DOCK1: variants seen among roughly 807,000 people sequenced by gnomAD.
DOCK1 encodes the protein dedicator of cytokinesis protein 1.
A neutral mutation model predicts 262.7 loss-of-function variants in DOCK1; 138 were observed. The ratio of observed to expected loss-of-function variants is 0.53; its 90% CI spans 0.46 to 0.61. DOCK1 has a LOEUF of 0.61. Among genes scored for constraint, DOCK1 ranks in the 20% least tolerant of loss-of-function variants. The pLI is 0.00. For synonymous variants in DOCK1, 866 were observed against 867.4 expected (o/e 1.00, Z 0.03); for missense variants, 1,908 against 2,370.7 (o/e 0.80, Z 4.05).
At chr10:127,055,779 C>T (rs1399778609) in intron 22 of DOCK1, among the ~76,000 whole-genome samples, 4 of 152,176 alleles carry the variant, frequency 2.6e-5, no homozygotes, top group South Asian at 2.1e-4. Context: ...TCTTTAGGCC[C>T]TAAGTGATCC....
intron 1 of DOCK1, among the ~76,000 whole-genome samples, chr10:126,918,725 A>C (rs879271780): frequency 6.6e-6 from 1 of 152,202 alleles, no homozygotes; most frequent in East Asian, 1.9e-4. Flanking sequence ...TCCCGGGGGT[A>C]AGTGGGGCGG....
chr10:127,336,641 A>G (rs1468309693), intron 29 of DOCK1, among the ~76,000 whole-genome samples: 1 of 150,496 alleles, frequency 6.6e-6, no homozygotes, highest in East Asian at 2.0e-4. Flanking sequence ...CCAGGTTCGC[A>G]CCATTCTCCT....
chr10:127,417,254 G>A (rs2068213243), intron 44 of DOCK1, among the ~76,000 whole-genome samples: 1 of 152,216 alleles, frequency 6.6e-6, no homozygotes, highest in African/African-American at 2.4e-5. Context: ...AGTGTGAGGA[G>A]GAGGTTTGGT....
At chr10:127,011,527 T>C (rs187445824) in intron 11 of DOCK1, among the ~76,000 whole-genome samples, 1 of 152,328 alleles carries the variant, frequency 6.6e-6, no homozygotes, top group Admixed American at 6.5e-5. Context: ...CTGTGCTACA[T>C]GGTATTTCTA....
rs370027335 is a variant in DOCK1, at chr10:127,261,380, T to G, written c.3044+3951T>G. On this transcript the variant is annotated intron_variant, in intron 29 of 51. Coordinates refer to ENST00000623213, the MANE Select transcript of DOCK1 (RefSeq NM_001290223.2). Reference sequence around the variant, plus strand: ...TCATCTGTGTGTGTGCATGTGGGTGTGTGTGTACCTGCATGTGTGTGCATG... The same window carrying G: ...TCATCTGTGTGTGTGCATGTGGGTGGGTGTGTACCTGCATGTGTGTGCATG... Among the ~76,000 whole-genome samples the G allele has an allele frequency of 5.7e-4, 79 of 139,424 alleles. No homozygotes were observed. The East Asian group carries it at 0.017, about 30-fold the overall frequency. The allele number at this position is 139,424 out of a possible 152,430, so 91.5% of individuals were successfully genotyped here. A position where few individuals can be genotyped will look rare whatever the true frequency, so the allele number is the denominator to read the frequency against.
chr10:126,907,257 C>G (rs1230606067), intron 1 of DOCK1, among the ~76,000 whole-genome samples: 1 of 152,032 alleles, frequency 6.6e-6, no homozygotes, highest in Non-Finnish European at 1.5e-5. Context: ...CACCAGCACA[C>G]GCAGAGAGAG....
At chr10:126,993,777 T>A (rs1033083641) in intron 6 of DOCK1, among the ~76,000 whole-genome samples, 1 of 152,176 alleles carries the variant, frequency 6.6e-6, no homozygotes, top group South Asian at 2.1e-4. Flanking sequence ...TCAATAGATA[T>A]TAAAAGGAAA....
intron 42 of DOCK1, 137 bp from the exon 43 acceptor site, chr10:127,410,703 C>T: frequency 1.4e-6 from 1 of 700,628 alleles, no homozygotes; most frequent in Non-Finnish European, 2.3e-6. Context: ...GAGAGGACAC[C>T]AAGGCGATGG....
intron 28 of DOCK1, among the ~76,000 whole-genome samples, chr10:127,249,580 T>A (rs1050472812): frequency 3.9e-5 from 6 of 152,308 alleles, no homozygotes; most frequent in Non-Finnish European, 5.9e-5. Flanking sequence ...GCTACACACC[T>A]AGGCTAGATG....
Position 127,121,234 on chromosome 10 carries a change from T to C in DOCK1, c.2624-4240T>C, listed in dbSNP as rs1346979741. Among the ~76,000 whole-genome samples the C allele has an allele frequency of 9.2e-5, 14 of 151,962 alleles. No individual in the cohort carries two copies. In the South Asian group the frequency reaches 2.9e-3, roughly 32 times the overall value. On this transcript the variant is annotated intron_variant, in intron 25 of 51. Transcript: ENST00000623213. ...ATATAAGACCCCTCCTCCTTTTTTT[T>C]TTTTTTTCTCCTGGTGGATTATTTG...
At chr10:127,430,209 C>T (rs1266633109) in intron 47 of DOCK1, among the ~76,000 whole-genome samples, 3 of 152,166 alleles carry the variant, frequency 2.0e-5, no homozygotes, top group East Asian at 3.9e-4. Flanking sequence ...TCACAGTTGG[C>T]CCCTGACCTG....
chr10:127,371,078 A>G (rs921492257), intron 33 of DOCK1, among the ~76,000 whole-genome samples: 1 of 152,262 alleles, frequency 6.6e-6, no homozygotes, highest in East Asian at 1.9e-4. Context: ...CATGATTTTG[A>G]TAAAACCAGC....
chr10:127,209,617 A>T (rs2483864), intron 27 of DOCK1, among the ~76,000 whole-genome samples: 123,957 of 152,142 alleles, frequency 0.81, 50,839 homozygotes, highest in Middle Eastern at 0.91. Flanking sequence ...CATTTTTCTT[A>T]CCTTGAGTGG....
intron 1 of DOCK1, among the ~76,000 whole-genome samples, chr10:126,946,650 A>G (rs1933571256): frequency 6.6e-6 from 1 of 152,220 alleles, no homozygotes; most frequent in South Asian, 2.1e-4. Flanking sequence ...GGAGCCACAT[A>G]GGAACGGAAT....
In DOCK1 at chr10:127,258,698, C is replaced by T. The variant is rs60158065; in HGVS notation, c.3044+1269C>T. 5.3e-3 allele frequency among the ~76,000 whole-genome samples: 803 copies of T among 152,322 alleles called. 8 individuals carry two copies. Among genetic ancestry groups the T allele is most frequent in the African/African-American group, 0.018 (751 of 41,576 alleles). ...TGGCTTGTTGGGTAATTGCACATTT[C>T]GTGACGTAGGAAACTGCCAATCTAT... On this transcript the variant is annotated intron_variant, in intron 29 of 51. Transcript: ENST00000623213.
At chr10:127,416,113 G>A (rs2068136033) in intron 44 of DOCK1, among the ~76,000 whole-genome samples, 1 of 152,218 alleles carries the variant, frequency 6.6e-6, no homozygotes, top group Admixed American at 6.5e-5. Flanking sequence ...CATGAGCTAT[G>A]GGCAGCTATG....
chr10:127,112,295 A>C (rs1268010191), intron 25 of DOCK1, among the ~76,000 whole-genome samples: 1 of 152,176 alleles, frequency 6.6e-6, no homozygotes, highest in Admixed American at 6.5e-5. Flanking sequence ...TACAGGCGTG[A>C]GCCACCGAGC....
At chr10:127,137,138 C>T (rs2050769531) in intron 27 of DOCK1, 1 of 152,586 alleles carries the variant, frequency 6.6e-6, no homozygotes. Context: ...TTGGGGGACT[C>T]CTGGCTGCTG....
chr10:127,093,244 T>TC (rs71032538), intron 23 of DOCK1, among the ~76,000 whole-genome samples: 11 of 119,888 alleles, frequency 9.2e-5, no homozygotes, highest in South Asian at 2.7e-4. Context: ...TCTTTCTTCT[T>TC]TTTTTTTTTT....
Sources: gnomAD v4.1 joint callset for allele counts (sites outside exome capture counted in the v4.1 genomes callset) on GRCh38, gnomAD v4.1.1 for gene constraint, MANE v1.5 for transcripts, NCBI Gene and HGNC (gene_info 2026-07-23, HGNC 2026-07-21) for gene names.